Variants in OXR1 observed in about 807,000 individuals in gnomAD.
OXR1 encodes the protein oxidation resistance protein 1.
In OXR1, 41 loss-of-function variants were observed where a neutral mutation model predicts 104.6. That is an observed-to-expected ratio of 0.39 (90% CI 0.31 to 0.51). The LOEUF (loss-of-function observed/expected upper bound fraction) is 0.51, where lower values mean the gene tolerates loss of function less well. OXR1 is among the 20% of genes least tolerant of loss of function. OXR1 has a pLI of 0.77. For missense variants in OXR1, 955 were observed against 1,031.9 expected (o/e 0.93, Z 1.02); for synonymous variants, 348 against 348.4 (o/e 1.00, Z 0.01).
intron 15 of OXR1, among the ~76,000 whole-genome samples, chr8:106,745,453 A>AT (rs1414853220): frequency 2.6e-5 from 4 of 152,028 alleles, no homozygotes; most frequent in Non-Finnish European, 4.4e-5. Flanking sequence ...TTTGTGTCCG[A>AT]TTTTTTTTCA....
chr8:106,443,693 G>A (rs2130595131), intron 2 of OXR1, among the ~76,000 whole-genome samples: 1 of 152,016 alleles, frequency 6.6e-6, no homozygotes, highest in South Asian at 2.1e-4. Flanking sequence ...ATCTTTGTTG[G>A]TTTAAAGTCT....
chr8:106,570,517 A>C (rs947761335), intron 3 of OXR1, among the ~76,000 whole-genome samples: 2 of 152,218 alleles, frequency 1.3e-5, no homozygotes, highest in African/African-American at 2.4e-5. Context: ...TCTCAAATTG[A>C]TATAAATAAT....
At chr8:106,694,732 T>TTA (rs1458903386) in intron 7 of OXR1, among the ~76,000 whole-genome samples, 3 of 111,092 alleles carry the variant, frequency 2.7e-5, no homozygotes, top group African/African-American at 1.1e-4. Flanking sequence ...TTTTATATAT[T>TTA]TATATATATA....
chr8:106,674,245 A>G (rs1345031590), intron 3 of OXR1, among the ~76,000 whole-genome samples: 1 of 152,232 alleles, frequency 6.6e-6, no homozygotes, highest in African/African-American at 2.4e-5. Context: ...CACCTCTTGC[A>G]TCAGTGTGAC....
intron 3 of OXR1, among the ~76,000 whole-genome samples, chr8:106,645,466 A>C (rs1308797030): frequency 6.6e-6 from 1 of 152,308 alleles, no homozygotes; most frequent in East Asian, 1.9e-4. Context: ...CTGTTAGGGC[A>C]GCATAGATTT....
intron 2 of OXR1, among the ~76,000 whole-genome samples, chr8:106,441,067 CT>C (rs1421961360): frequency 6.6e-6 from 1 of 152,044 alleles, no homozygotes; most frequent in Admixed American, 6.6e-5. Context: ...ACATTTAAGT[CT>C]TTAATCCATC....
chr8:106,447,881 C>T (rs1432544477), intron 2 of OXR1: 17 of 1,486,986 alleles, frequency 1.1e-5, no homozygotes, highest in East Asian at 5.0e-5. Flanking sequence ...ACTAGCCCCA[C>T]CCCCCAACAG....
At chr8:106,659,880 T>A (rs556578881) in intron 3 of OXR1, among the ~76,000 whole-genome samples, 2 of 152,326 alleles carry the variant, frequency 1.3e-5, no homozygotes, top group Admixed American at 1.3e-4. Flanking sequence ...AAAGTGGCGC[T>A]TCTGAAGTGA....
intron 1 of OXR1, among the ~76,000 whole-genome samples, chr8:106,343,864 G>A (rs948916606): frequency 6.6e-6 from 1 of 152,184 alleles, no homozygotes; most frequent in African/African-American, 2.4e-5. Flanking sequence ...ATGAGGAAGG[G>A]AGAAAACTGA....
At chr8:106,428,211 G>A (rs929509435) in intron 2 of OXR1, among the ~76,000 whole-genome samples, 2 of 152,140 alleles carry the variant, frequency 1.3e-5, no homozygotes, top group Non-Finnish European at 2.9e-5. Context: ...CTCCTTCCAT[G>A]TTCTTCCTCA....
At position 106,713,750 on chromosome 8, in the gene OXR1, A is replaced by G; in HGVS notation, c.1794-73A>G. 5 of 832,016 alleles carry G rather than the reference A, an allele frequency of 6.0e-6. No homozygotes were observed. The Admixed American group carries it at 1.5e-4, about 25-fold the overall frequency. The allele number at this position is 832,016 out of a possible 1,614,324, so 51.5% of individuals were successfully genotyped here. ...TTAAGTCTTCAAGATTTATCAAGAT[A>G]TTTTACAAATATAATTTTTTAATTC... On this transcript the variant is annotated intron_variant, in intron 10 of 16. Transcript: ENST00000517566.
At chr8:106,578,392 A>C (rs1381995925) in intron 3 of OXR1, among the ~76,000 whole-genome samples, 1 of 152,226 alleles carries the variant, frequency 6.6e-6, no homozygotes, top group Non-Finnish European at 1.5e-5. Context: ...TAAAGCAGAT[A>C]CTGGGATTTG....
At chr8:106,549,253 T>TA in intron 3 of OXR1, among the ~76,000 whole-genome samples, 1 of 152,002 alleles carries the variant, frequency 6.6e-6, no homozygotes, top group African/African-American at 2.4e-5. Context: ...CATTTTTTTT[T>TA]TTTTTTGCAG....
chr8:106,406,809 T>C (rs186512117), intron 2 of OXR1, among the ~76,000 whole-genome samples: 46 of 152,302 alleles, frequency 3.0e-4, no homozygotes, highest in African/African-American at 1.0e-3. Context: ...CTCTAGAATG[T>C]ATATCAAGAG....
At chr8:106,587,339 TG>T (rs1371868347) in intron 3 of OXR1, among the ~76,000 whole-genome samples, 2 of 152,070 alleles carry the variant, frequency 1.3e-5, no homozygotes, top group Admixed American at 1.3e-4. Flanking sequence ...AAGAGTTTCT[TG>T]GGTTTGCAGG....
chr8:106,414,831 G>C (rs541677391), intron 2 of OXR1, among the ~76,000 whole-genome samples: 19 of 152,276 alleles, frequency 1.2e-4, no homozygotes, highest in African/African-American at 4.6e-4. Context: ...AAGATAAGGA[G>C]TATGGACTTA....
At chr8:106,746,484 T>C (rs1835407781) in intron 16 of OXR1, among the ~76,000 whole-genome samples, 1 of 152,240 alleles carries the variant, frequency 6.6e-6, no homozygotes, top group Non-Finnish European at 1.5e-5. Context: ...CAACAACTCC[T>C]TCCTTTGGTA....
chr8:106,432,405 G>A (rs1016617373), intron 2 of OXR1, among the ~76,000 whole-genome samples: 5 of 152,030 alleles, frequency 3.3e-5, no homozygotes, highest in African/African-American at 7.2e-5. Flanking sequence ...TGTTCCTGCC[G>A]TGCTCCAGGC....
intron 2 of OXR1, among the ~76,000 whole-genome samples, chr8:106,398,852 C>A (rs1160467024): frequency 6.6e-6 from 1 of 152,094 alleles, no homozygotes; most frequent in Non-Finnish European, 1.5e-5. Context: ...ATTTGCTATT[C>A]TTCTTTCTGC....
Sources: allele counts gnomAD v4.1 joint callset (sites outside exome capture counted in the v4.1 genomes callset), GRCh38; gene constraint gnomAD v4.1.1; transcripts MANE v1.5; gene names NCBI Gene and HGNC (gene_info 2026-07-23, HGNC 2026-07-21).